Variants in RANBP17 observed in about 807,000 individuals in gnomAD.
RANBP17 encodes the protein RAN binding protein 17.
A neutral mutation model predicts 141.2 loss-of-function variants in RANBP17; 158 were observed. The ratio of observed to expected loss-of-function variants is 1.12; its 90% confidence interval spans 0.98 to 1.28. The LOEUF (loss-of-function observed/expected upper bound fraction) is 1.28. Among genes scored for constraint, RANBP17 ranks in the 50% most tolerant of loss-of-function variants. The pLI, the probability that RANBP17 is intolerant of heterozygous loss-of-function variation, is 0.00. For missense variants in RANBP17, 1,438 were observed against 1,290.7 expected (o/e 1.11, Z -1.75); for synonymous variants, 430 against 450.0 (o/e 0.96, Z 0.56).
intron 25 of RANBP17, among the ~76,000 whole-genome samples, chr5:171,266,934 T>C (rs998759042): frequency 2.6e-5 from 4 of 151,224 alleles, no homozygotes; most frequent in African/African-American, 9.7e-5. Context: ...AAAAAGAAAA[T>C]TTAAAAATTT....
intron 22 of RANBP17, among the ~76,000 whole-genome samples, chr5:171,222,424 T>C (rs1022703073): frequency 1.3e-5 from 2 of 152,212 alleles, no homozygotes; most frequent in Non-Finnish European, 2.9e-5. Flanking sequence ...CTCTGAGACC[T>C]TTATGTAGAT....
Position 171,236,841 on chromosome 5 carries a change from A to G in RANBP17, c.2423-4087A>G, listed in dbSNP as rs74529472. Among the ~76,000 whole-genome samples the G allele has an allele frequency of 1.5e-3, 232 of 152,346 alleles. 5 individuals carry two copies. In the East Asian group the frequency reaches 0.034, roughly 23 times the overall value. The stretch of plus-strand genomic sequence containing the variant: ...TCAGATACCTAGATAGTAAGGAAAG[A>G]TCTAGGATTCAGGCCAGGTCAGTAT... On this transcript the variant is annotated intron_variant, in intron 22 of 27. Transcript: ENST00000523189.
chr5:171,189,703 G>C lies in RANBP17; in HGVS notation c.2038+6273G>C, dbSNP rs377118800. Among the ~76,000 whole-genome samples, 194 of 152,296 alleles carry C rather than the reference G, an allele frequency of 1.3e-3. 9 individuals are homozygous for C. The South Asian group carries it at 0.039, about 30-fold the overall frequency. ...CACTCTTGTGCCCGATTAGTCTCTT[G>C]TTGCTCTCTGTTCAGAGTGTTATTA... is the stretch of plus-strand genomic sequence containing the variant. On this transcript the variant is annotated intron_variant, in intron 18 of 27. Transcript: ENST00000523189.
At chr5:170,874,084 C>G (rs1024823278) in intron 1 of RANBP17, among the ~76,000 whole-genome samples, 2 of 152,128 alleles carry the variant, frequency 1.3e-5, no homozygotes, top group Admixed American at 1.3e-4. Flanking sequence ...TTGATTTCTG[C>G]GTTAATTTCA....
At chr5:171,167,171 C>T (rs1759759998) in intron 14 of RANBP17, among the ~76,000 whole-genome samples, 1 of 152,212 alleles carries the variant, frequency 6.6e-6, no homozygotes, top group Non-Finnish European at 1.5e-5. Flanking sequence ...CAGAACACAA[C>T]AGACCTGCCT....
At chr5:171,014,926 G>T (rs918349265) in intron 14 of RANBP17, among the ~76,000 whole-genome samples, 4 of 151,994 alleles carry the variant, frequency 2.6e-5, no homozygotes, top group Admixed American at 2.0e-4. Context: ...GTTAACAATG[G>T]TATATAATTC....
chr5:170,925,185 G>A (rs1267249527), intron 12 of RANBP17, among the ~76,000 whole-genome samples: 2 of 152,058 alleles, frequency 1.3e-5, no homozygotes, highest in Non-Finnish European at 2.9e-5. Flanking sequence ...TGTTTATCTT[G>A]TATTGGAAAG....
At chr5:171,058,917 G>C (rs1783602811) in intron 14 of RANBP17, among the ~76,000 whole-genome samples, 1 of 151,564 alleles carries the variant, frequency 6.6e-6, no homozygotes, top group South Asian at 2.1e-4. Flanking sequence ...GGCCAGTGAT[G>C]ATGAGCATTT....
intron 5 of RANBP17, among the ~76,000 whole-genome samples, chr5:170,908,227 A>C (rs1459206616): frequency 6.6e-6 from 1 of 152,000 alleles, no homozygotes; most frequent in Non-Finnish European, 1.5e-5. Context: ...TTACATGTTC[A>C]CTGCAGTGCT....
intron 13 of RANBP17, among the ~76,000 whole-genome samples, chr5:170,961,256 C>T (rs1425397561): frequency 1.3e-5 from 2 of 152,122 alleles, no homozygotes; most frequent in African/African-American, 4.8e-5. Context: ...TTTTGAATGC[C>T]TGACACATAT....
At chr5:171,196,511 G>A (rs1761987634) in intron 18 of RANBP17, among the ~76,000 whole-genome samples, 1 of 152,188 alleles carries the variant, frequency 6.6e-6, no homozygotes, top group South Asian at 2.1e-4. Flanking sequence ...GAAGGGCACT[G>A]GGCTGGCAAT....
chr5:171,070,480 A>G (rs1159106422), intron 14 of RANBP17, among the ~76,000 whole-genome samples: 1 of 152,146 alleles, frequency 6.6e-6, no homozygotes, highest in African/African-American at 2.4e-5. Flanking sequence ...TTTTTGGATC[A>G]AAGATCATTT....
At chr5:171,121,619 C>T (rs934833361) in intron 14 of RANBP17, among the ~76,000 whole-genome samples, 4 of 152,258 alleles carry the variant, frequency 2.6e-5, no homozygotes, top group South Asian at 2.1e-4. Flanking sequence ...GGGTTCACAC[C>T]GGGTGAGACT....
chr5:171,193,499 T>C (rs899699762), intron 18 of RANBP17, among the ~76,000 whole-genome samples: 2 of 152,232 alleles, frequency 1.3e-5, no homozygotes, highest in Admixed American at 6.5e-5. Context: ...TTTTCTGTTA[T>C]TATTGCTGTA....
chr5:171,280,811 G>A (rs187332862), intron 25 of RANBP17, among the ~76,000 whole-genome samples: 97 of 152,326 alleles, frequency 6.4e-4, no homozygotes, highest in Non-Finnish European at 1.1e-3. Context: ...TATAGACTGA[G>A]TGCTTTCAAA....
intron 14 of RANBP17, among the ~76,000 whole-genome samples, chr5:171,157,345 C>T (rs1019665003): frequency 4.6e-5 from 7 of 152,122 alleles, no homozygotes; most frequent in Admixed American, 1.3e-4. Flanking sequence ...GTTTTACACC[C>T]GGCAAGATTA....
chr5:171,009,089 A>G (rs892053419), intron 14 of RANBP17, among the ~76,000 whole-genome samples: 2 of 152,198 alleles, frequency 1.3e-5, no homozygotes, highest in Non-Finnish European at 2.9e-5. Context: ...AGACAGAGTC[A>G]AGAGACTTCC....
chr5:171,094,879 C>T (rs1348041909), intron 14 of RANBP17, among the ~76,000 whole-genome samples: 1 of 152,058 alleles, frequency 6.6e-6, no homozygotes, highest in Non-Finnish European at 1.5e-5. Context: ...GACTTTGTTC[C>T]CCCAAAGTTT....
chr5:170,979,740 C>G (rs1326748598), intron 14 of RANBP17, among the ~76,000 whole-genome samples: 1 of 152,202 alleles, frequency 6.6e-6, no homozygotes, highest in Non-Finnish European at 1.5e-5. Context: ...ACTGTAAGTC[C>G]AGTAAACATC....
Sources: gnomAD v4.1 joint callset for allele counts (sites outside exome capture counted in the v4.1 genomes callset) on GRCh38, gnomAD v4.1.1 for gene constraint, MANE v1.5 for transcripts, NCBI Gene and HGNC (gene_info 2026-07-23, HGNC 2026-07-21) for gene names.